Variants in DGKB observed in about 807,000 individuals in gnomAD.
The protein encoded by DGKB is 90 kDa diacylglycerol kinase.
DGKB carries 67 observed loss-of-function variants against 114.3 expected under a neutral mutation model. The observed-to-expected ratio is 0.59, with a 90% CI of 0.48 to 0.72. The LOEUF is 0.72. Among genes scored for constraint, DGKB ranks in the 30% least tolerant of loss-of-function variants. The probability of loss-of-function intolerance (pLI) is 0.00; values close to 1 mark genes in which losing one functional copy is unlikely to be tolerated. For missense variants in DGKB, 907 were observed against 975.2 expected (o/e 0.93, Z 0.93); for synonymous variants, 398 against 323.1 (o/e 1.23, Z -2.49).
chr7:14,160,313 T>G (rs930533044), intron 25 of DGKB, among the ~76,000 whole-genome samples: 3 of 152,058 alleles, frequency 2.0e-5, no homozygotes, highest in Admixed American at 6.6e-5. Context: ...GGTATTCAAA[T>G]AGGAAGAGAG....
intron 20 of DGKB, among the ~76,000 whole-genome samples, chr7:14,523,584 T>A (rs1246732616): frequency 1.3e-5 from 2 of 152,202 alleles, no homozygotes. Context: ...TAAATGCTTT[T>A]ATATTGTAAC....
intron 23 of DGKB, among the ~76,000 whole-genome samples, chr7:14,223,535 A>G (rs545644800): frequency 3.4e-4 from 52 of 151,938 alleles, no homozygotes; most frequent in Middle Eastern, 6.8e-3. Flanking sequence ...AATATATATA[A>G]AAAAGGGCAA....
intron 20 of DGKB, among the ~76,000 whole-genome samples, chr7:14,515,459 CAGAA>C (rs1183834153): frequency 6.6e-6 from 1 of 152,116 alleles, no homozygotes; most frequent in African/African-American, 2.4e-5. Flanking sequence ...ACAAATAAGT[CAGAA>C]ACTGAATCAA....
At chr7:14,231,391 G>A (rs1000978396) in intron 23 of DGKB, among the ~76,000 whole-genome samples, 1 of 151,656 alleles carries the variant, frequency 6.6e-6, no homozygotes, top group African/African-American at 2.4e-5. Context: ...ACCTGCCTTG[G>A]CCTCCCCCAA....
intron 23 of DGKB, among the ~76,000 whole-genome samples, chr7:14,293,325 T>C (rs961934019): frequency 2.6e-5 from 4 of 152,174 alleles, no homozygotes; most frequent in Non-Finnish European, 5.9e-5. Context: ...CCAGCTTCTA[T>C]TTGTACCTGC....
chr7:14,382,383 T>C (rs1214298449), intron 21 of DGKB, among the ~76,000 whole-genome samples: 1 of 151,298 alleles, frequency 6.6e-6, no homozygotes, highest in African/African-American at 2.4e-5. Flanking sequence ...TACATAGTTT[T>C]TTTTTTTTTG....
At chr7:14,750,330 A>AAAAAAGAT in intron 4 of DGKB, 1 of 407,828 alleles carries the variant, frequency 2.5e-6, no homozygotes, top group Non-Finnish European at 4.8e-6. Flanking sequence ...CGTTTGAGAA[A>AAAAAAGAT]AAAAAGATAT....
intron 1 of DGKB, among the ~76,000 whole-genome samples, chr7:14,924,852 T>C (rs1281401811): frequency 5.3e-5 from 8 of 152,142 alleles, no homozygotes; most frequent in Non-Finnish European, 1.2e-4. Flanking sequence ...ACAATTTTAT[T>C]ACATTTATAT....
At chr7:14,944,800 T>C (rs1329737277) in intron 1 of DGKB, among the ~76,000 whole-genome samples, 2 of 123,738 alleles carry the variant, frequency 1.6e-5, no homozygotes, top group Non-Finnish European at 3.2e-5. Flanking sequence ...ATGTCAATAA[T>C]GCTAAGACTG....
rs369897947 is a variant in DGKB, at chr7:14,557,416, G to A, written c.1770+16796C>T. On this transcript the variant is annotated intron_variant, in intron 20 of 25. Coordinates refer to ENST00000402815, the MANE Select transcript of DGKB (RefSeq NM_001350709.2). Reference sequence around the variant, plus strand: ...GTGCCGGTCTATGTGTATTCTATTTGTCATTTTTTTAGGGGAGAAAAAAGC... The same window carrying A: ...GTGCCGGTCTATGTGTATTCTATTTATCATTTTTTTAGGGGAGAAAAAAGC... 2.6e-3 allele frequency among the ~76,000 whole-genome samples: 387 copies of A among 151,744 alleles called. 2 individuals are homozygous for A. The highest frequency in any genetic ancestry group is 8.8e-3 in the African/African-American group (365 of 41,388).
intron 21 of DGKB, among the ~76,000 whole-genome samples, chr7:14,433,253 C>A (rs552904605): frequency 6.6e-6 from 1 of 152,130 alleles, no homozygotes; most frequent in Admixed American, 6.6e-5. Flanking sequence ...TTAGCTGATG[C>A]CTTTTTTTGA....
At chr7:14,538,399 A>G (rs1324140312) in intron 20 of DGKB, among the ~76,000 whole-genome samples, 1 of 152,220 alleles carries the variant, frequency 6.6e-6, no homozygotes, top group East Asian at 1.9e-4. Context: ...CAATATTGCT[A>G]ACCCTCAAGG....
chr7:14,558,824 C>T (rs796381980), intron 20 of DGKB, among the ~76,000 whole-genome samples: 1 of 152,152 alleles, frequency 6.6e-6, no homozygotes, highest in Non-Finnish European at 1.5e-5. Flanking sequence ...CTTTCCAGTC[C>T]TTACACCTAG....
chr7:14,325,715 A>C (rs184533295), intron 23 of DGKB, among the ~76,000 whole-genome samples: 27 of 152,264 alleles, frequency 1.8e-4, no homozygotes, highest in African/African-American at 6.3e-4. Flanking sequence ...TTTTTACAAA[A>C]ATTAAAAATT....
chr7:14,768,125 TTAAAGAACA>T (rs1836747716), intron 2 of DGKB, among the ~76,000 whole-genome samples: 1 of 151,914 alleles, frequency 6.6e-6, no homozygotes. Context: ...CATACATATT[TTAAAGAACA>T]TAAAACTCCA....
chr7:14,939,515 G>A (rs957349807), intron 1 of DGKB, among the ~76,000 whole-genome samples: 5 of 151,644 alleles, frequency 3.3e-5, no homozygotes, highest in African/African-American at 9.7e-5. Context: ...TAGAATAGAG[G>A]TTCAGAGAAG....
intron 5 of DGKB, among the ~76,000 whole-genome samples, chr7:14,729,329 A>G (rs924029024): frequency 1.3e-4 from 19 of 151,138 alleles, no homozygotes; most frequent in Non-Finnish European, 2.2e-4. Flanking sequence ...TCACCGTGTT[A>G]GCCAGGATGG....
At chr7:14,480,130 C>G (rs1026531945) in intron 20 of DGKB, among the ~76,000 whole-genome samples, 2 of 151,694 alleles carry the variant, frequency 1.3e-5, no homozygotes, top group Admixed American at 1.3e-4. Context: ...GGGAGAGAGG[C>G]AAGAAGACAG....
At chr7:14,568,724 A>G (rs75949742) in intron 20 of DGKB, among the ~76,000 whole-genome samples, 1,754 of 152,310 alleles carry the variant, frequency 0.012, 31 homozygotes, top group African/African-American at 0.04. Context: ...GGTCTATAAC[A>G]ATGAATATGA....
Sources: gnomAD v4.1 joint callset for allele counts (sites outside exome capture counted in the v4.1 genomes callset) on GRCh38, gnomAD v4.1.1 for gene constraint, MANE v1.5 for transcripts, NCBI Gene and HGNC (gene_info 2026-07-23, HGNC 2026-07-21) for gene names.